MMP15: variants seen among roughly 807,000 people sequenced by gnomAD.
MMP15 encodes the protein matrix metalloproteinase-15.
Under a neutral mutation model 65.0 loss-of-function variants are expected in MMP15, and 36 were observed. That is an observed-to-expected ratio of 0.55 (90% CI 0.42 to 0.73). MMP15 has a LOEUF of 0.73. Ranked by LOEUF, MMP15 falls within the 30% of genes least tolerant of loss-of-function variation. The pLI is 0.00. For missense variants in MMP15, 870 were observed against 987.8 expected, an observed-to-expected ratio of 0.88 and a Z score of 1.60; for synonymous variants, 428 against 410.2, an observed-to-expected ratio of 1.04 and a Z score of -0.52.
rs1177881093 is a variant in MMP15 at position 58,042,257 on chromosome 16, C to T, written c.1191C>T (p.His397=). ...GCCGCTGGTTCTGGCGAGTCCGGCA[C>T]AACCGCGTCCTGGACAACTATCCCA... ...FKGRWFWRVR[H]NRVLDNYPMP... is the part of the protein sequence containing the mutation. Residue 397 remains histidine, a synonymous_variant, in exon 7 of 10, where the codon CAC becomes CAT. Transcript: ENST00000219271. 5 of 1,614,158 alleles carry T rather than the reference C, an allele frequency of 3.1e-6. No homozygotes were observed. Among genetic ancestry groups the T allele is most frequent in the Non-Finnish European group, 4.2e-6 (5 of 1,180,022 alleles).
intron 1 of MMP15, among the ~76,000 whole-genome samples, chr16:58,027,678 G>A (rs942845368): frequency 6.6e-6 from 1 of 152,086 alleles, no homozygotes; most frequent in African/African-American, 2.4e-5. Flanking sequence ...GCCCTTCCCC[G>A]CCCTACTTTA....
chr16:58,032,903 C>T (rs1567428729), intron 1 of MMP15, among the ~76,000 whole-genome samples: 1 of 152,224 alleles, frequency 6.6e-6, no homozygotes, highest in Non-Finnish European at 1.5e-5. Context: ...GTGACAGAGA[C>T]AAAGCAGAGC....
rs1363707379 is a variant in MMP15, at chr16:58,045,497, A to T, written c.*51A>T. 2 of 1,450,178 alleles carry T rather than the reference A, an allele frequency of 1.4e-6. No homozygotes were observed. Among genetic ancestry groups the T allele is most frequent in the East Asian group, 5.0e-5 (2 of 40,142 alleles). The allele number at this position is 1,450,178 out of a possible 1,614,324, so 89.8% of individuals were successfully genotyped here. ...CTCAGGGGGCGCCTGTGGTTCTGAG[A>T]TGGCTCCCAGGGGCTCCCTCCGCCC... On this transcript the variant is annotated 3_prime_UTR_variant, in exon 10 of 10. Coordinates refer to ENST00000219271, the MANE Select transcript of MMP15 (RefSeq NM_002428.4).
At position 58,025,884 on chromosome 16, in the gene MMP15, T is replaced by C. The variant is rs1343788009; in HGVS notation, c.-467T>C. 1 of 151,720 alleles carries C rather than the reference T, an allele frequency of 6.6e-6. No homozygotes were observed. The highest frequency in any genetic ancestry group is 1.5e-5 in the Non-Finnish European group (1 of 67,924). 9.4% of individuals were successfully genotyped at this position (151,720 alleles called of 1,614,324 possible). On this transcript the variant is annotated 5_prime_UTR_variant, in exon 1 of 10. Coordinates refer to ENST00000219271, the MANE Select transcript of MMP15 (RefSeq NM_002428.4). ...TCCCTGCGCCTCCTCCCGGGACTGC[T>C]TGGGGACCCGGGCCCGGTCGGGCGC... is the stretch of plus-strand genomic sequence containing the variant.
intron 1 of MMP15, among the ~76,000 whole-genome samples, chr16:58,026,925 C>G (rs899143779): frequency 6.6e-6 from 1 of 152,242 alleles, no homozygotes; most frequent in Admixed American, 6.5e-5. Flanking sequence ...GAGGGGGCTG[C>G]TCTCGGGGAC....
At chr16:58,027,505 G>A (rs1016215716) in intron 1 of MMP15, among the ~76,000 whole-genome samples, 10 of 152,260 alleles carry the variant, frequency 6.6e-5, no homozygotes, top group African/African-American at 2.4e-4. Context: ...GAACCACCCC[G>A]GAGCCGCTTC....
chr16:58,032,700 G>T (rs1383694302), intron 1 of MMP15, among the ~76,000 whole-genome samples: 1 of 152,186 alleles, frequency 6.6e-6, no homozygotes, highest in Admixed American at 6.5e-5. Context: ...ACAGAGCTGG[G>T]CACAGCCTTG....
chr16:58,028,156 T>G (rs1428705145), intron 1 of MMP15, among the ~76,000 whole-genome samples: 1 of 152,198 alleles, frequency 6.6e-6, no homozygotes, highest in Admixed American at 6.5e-5. Flanking sequence ...TTGGAGGGGC[T>G]TCACTCTCTC....
At chr16:58,035,650 G>A (rs932571987) in intron 1 of MMP15, among the ~76,000 whole-genome samples, 12 of 152,160 alleles carry the variant, frequency 7.9e-5, no homozygotes, top group Non-Finnish European at 1.6e-4. Flanking sequence ...ATAAGGAGGT[G>A]GAGTGACACC....
At chr16:58,037,655 C>T (rs780097502) in intron 2 of MMP15, 35 bp downstream of exon 2, 2 of 1,613,368 alleles carry the variant, frequency 1.2e-6, no homozygotes, top group African/African-American at 1.3e-5. Flanking sequence ...CCCACAGGCA[C>T]CTGCCTTCCA....
intron 7 of MMP15, among the ~76,000 whole-genome samples, chr16:58,042,576 C>T (rs1255784230): frequency 2.0e-5 from 3 of 152,180 alleles, no homozygotes; most frequent in Admixed American, 6.5e-5. Context: ...ACCTGCAACC[C>T]GGAAGTGCCT....
Position 58,040,488 on chromosome 16 carries a change from C to T in MMP15, c.749-49C>T, listed in dbSNP as rs563631577. ...CTGGAGGGTCCAGGGTGATTGGGTC[C>T]TGGGACTGGCCACAGCTGACTGTGC... On this transcript the variant is annotated intron_variant, in intron 4 of 9. Coordinates refer to ENST00000219271, the MANE Select transcript of MMP15 (RefSeq NM_002428.4). 2.2e-4 allele frequency: 352 copies of T among 1,594,386 alleles called. 6 individuals are homozygous for T. The South Asian group carries it at 3.7e-3, about 17-fold the overall frequency.
At position 58,040,520 on chromosome 16, in the gene MMP15, C is replaced by T; in HGVS notation, c.749-17C>T. On this transcript the variant is annotated splice_polypyrimidine_tract_variant and intron_variant, in intron 4 of 9. Transcript: ENST00000219271. ...TGGCCACAGCTGACTGTGCTGCCCT[C>T]CTTCTCTCCCCAAAAGGAAACAACC... 2 of 1,609,590 alleles carry T rather than the reference C, an allele frequency of 1.2e-6. No homozygotes were observed. Among genetic ancestry groups the T allele is most frequent in the Non-Finnish European group, 1.7e-6 (2 of 1,179,476 alleles).
In MMP15 at chr16:58,043,261, A is replaced by G; in HGVS notation, c.1355A>G (p.Gln452Arg). 6.2e-7 allele frequency: 1 copy of G among 1,602,630 alleles called. No homozygotes were observed. Among genetic ancestry groups the G allele is most frequent in the Non-Finnish European group, 8.5e-7 (1 of 1,173,988 alleles). ...REANLEPGYP[Q>R]PLTSYGLGIP... ...GCGAACCTGGAGCCCGGCTACCCAC[A>G]GCCGCTGACCAGCTATGGCCTGGGC... The change falls in exon 8 of 10, where the codon CAG (glutamine) becomes CGG (arginine). Residue 452 changes from glutamine (Q) to arginine (R), a missense_variant. By Grantham distance (43) the Gln-to-Arg change is conservative. Transcript: ENST00000219271.
At chr16:58,037,332 C>A in intron 1 of MMP15, 140 bp from the exon 2 acceptor site, 1 of 1,091,082 alleles carries the variant, frequency 9.2e-7, no homozygotes, top group Non-Finnish European at 1.3e-6. Context: ...CTGAGGCTCA[C>A]ACGGTCACCT....
Position 58,038,399 on chromosome 16 carries a change from G to A in MMP15, c.440+5G>A, listed in dbSNP as rs1216605883. 2 of 1,613,838 alleles carry A rather than the reference G, an allele frequency of 1.2e-6. No homozygotes were observed. Among genetic ancestry groups the A allele is most frequent in the African/African-American group, 1.3e-5 (1 of 75,068 alleles). On this transcript the variant is annotated splice_donor_5th_base_variant and intron_variant, in intron 3 of 9. Coordinates refer to ENST00000219271, the MANE Select transcript of MMP15 (RefSeq NM_002428.4). ...CAACCACCATCTGACCTTTAGGTAGGGGGCTCAGCTGCCCAGGGAAGCATC... is the reference window on the plus strand; with the variant it reads ...CAACCACCATCTGACCTTTAGGTAGAGGGCTCAGCTGCCCAGGGAAGCATC...
intron 1 of MMP15, among the ~76,000 whole-genome samples, chr16:58,036,238 C>T (rs1048225141): frequency 3.3e-5 from 5 of 152,208 alleles, no homozygotes; most frequent in East Asian, 1.9e-4. Flanking sequence ...CCTCCCATGG[C>T]GGTCACCGTG....
At chr16:58,033,474 A>C (rs1200772601) in intron 1 of MMP15, among the ~76,000 whole-genome samples, 4 of 152,262 alleles carry the variant, frequency 2.6e-5, no homozygotes, top group Admixed American at 1.3e-4. Flanking sequence ...GGCCCATGCC[A>C]GACTCAGGTG....
At chr16:58,038,125 T>C in intron 2 of MMP15, 141 bp from the exon 3 acceptor site, 1 of 1,158,844 alleles carries the variant, frequency 8.6e-7, no homozygotes, top group South Asian at 1.5e-5. Context: ...TTACTGGAAG[T>C]TGAAGCTGAG....
Sources: allele counts gnomAD v4.1 joint callset (sites outside exome capture counted in the v4.1 genomes callset), GRCh38; gene constraint gnomAD v4.1.1; transcripts MANE v1.5; gene names NCBI Gene and HGNC (gene_info 2026-07-23, HGNC 2026-07-21).